The following AKAP6 variants were observed in gnomAD, a reference collection of about 807,000 sequenced individuals.
The protein encoded by AKAP6 is A-kinase anchoring protein 6.
A neutral mutation model predicts 188.5 loss-of-function variants in AKAP6; 58 were observed. The ratio of observed to expected loss-of-function variants is 0.31; its 90% CI spans 0.25 to 0.38. The LOEUF (loss-of-function observed/expected upper bound fraction) is 0.38, where lower values mean the gene tolerates loss of function less well. AKAP6 is among the 10% of genes least tolerant of loss of function. AKAP6 has a pLI of 1.00. For synonymous variants in AKAP6, 989 were observed against 998.6 expected, an observed-to-expected ratio of 0.99 and a Z score of 0.18; for missense variants, 2,710 against 2,740.0, an observed-to-expected ratio of 0.99 and a Z score of 0.24.
intron 1 of AKAP6, among the ~76,000 whole-genome samples, chr14:32,415,160 G>T (rs965121823): frequency 6.6e-6 from 1 of 152,128 alleles, no homozygotes; most frequent in African/African-American, 2.4e-5. Flanking sequence ...GCATTACACT[G>T]GTACATAAGT....
rs182624354 is a variant in AKAP6 at position 32,786,527 on chromosome 14, T to C, written c.3588+12634T>C. 7.8e-4 allele frequency among the ~76,000 whole-genome samples: 118 copies of C among 151,950 alleles called. 2 individuals are homozygous for C. The East Asian group carries it at 0.02, about 26-fold the overall frequency. ...TTTTAGTAGAGATGGGGTTTTACCG[T>C]GTTAGCCAGGATGGTTTCGATCTCC... is the stretch of plus-strand genomic sequence containing the variant. On this transcript the variant is annotated intron_variant, in intron 12 of 13. Transcript: ENST00000280979.
intron 7 of AKAP6, among the ~76,000 whole-genome samples, chr14:32,641,955 C>T (rs1226936596): frequency 6.6e-6 from 1 of 152,054 alleles, no homozygotes; most frequent in Non-Finnish European, 1.5e-5. Context: ...TCGGCAAATA[C>T]ATGAAGATAT....
At chr14:32,722,785 A>T (rs2030616154) in intron 9 of AKAP6, among the ~76,000 whole-genome samples, 1 of 152,060 alleles carries the variant, frequency 6.6e-6, no homozygotes, top group African/African-American at 2.4e-5. Context: ...TCTTCCACAT[A>T]CATCACCTTT....
At chr14:32,721,672 G>C (rs910060448) in intron 9 of AKAP6, among the ~76,000 whole-genome samples, 1 of 152,150 alleles carries the variant, frequency 6.6e-6, no homozygotes, top group Non-Finnish European at 1.5e-5. Flanking sequence ...TTGTGTCTTT[G>C]CTCCATTGTT....
In AKAP6 at chr14:32,545,913, G is replaced by C; in HGVS notation, c.1260G>C (p.Glu420Asp). 6.2e-7 allele frequency: 1 copy of C among 1,614,200 alleles called. No individual in the cohort carries two copies. Among genetic ancestry groups the C allele is most frequent in the Non-Finnish European group, 8.5e-7 (1 of 1,180,028 alleles). The part of the protein sequence containing the change: ...GKRQMVDLKP[E>D]MSRSTPSLVD... ...GGCAAATGGTTGATCTAAAGCCTGA[G>C]ATGAGCAGAAGCACCCCTTCGCTAG... Residue 420 changes from glutamate (E) to aspartate (D), a missense_variant, in exon 4 of 14, where the codon GAG becomes GAC. Around this residue, in one of 2 missense-constraint regions of AKAP6, gnomAD observed 2,473 missense variants for 2,426.1 expected, o/e 1.02. Transcript: ENST00000280979.
chr14:32,540,410 G>A (rs1400362163), intron 3 of AKAP6, among the ~76,000 whole-genome samples: 1 of 151,704 alleles, frequency 6.6e-6, no homozygotes, highest in Admixed American at 6.6e-5. Context: ...TGTTGCCCAG[G>A]TTAGTCTTGA....
At position 32,568,426 on chromosome 14, in the gene AKAP6, T is replaced by C. The variant is rs1473147797; in HGVS notation, c.2347-8694T>C. On this transcript the variant is annotated intron_variant, in intron 4 of 13. Transcript: ENST00000280979. The surrounding 1 kb of genome is among the most constrained non-coding windows in gnomAD (Gnocchi z 6.2). ...AGTTATTAGTAGGATAGATGGTAGA[T>C]GTACCTAAATGTTAAATATTGTTAA... Among the ~76,000 whole-genome samples, 1 of 152,194 alleles carries C rather than the reference T, an allele frequency of 6.6e-6. No homozygotes were observed. The highest frequency in any genetic ancestry group is 2.4e-5 in the African/African-American group (1 of 41,452).
chr14:32,670,346 C>G (rs1356197272), intron 7 of AKAP6, among the ~76,000 whole-genome samples: 1 of 151,950 alleles, frequency 6.6e-6, no homozygotes, highest in African/African-American at 2.4e-5. Flanking sequence ...TTCTAATCAA[C>G]CCTGGAAGTC....
chr14:32,727,348 A>G (rs1213147635), intron 9 of AKAP6, among the ~76,000 whole-genome samples: 2 of 152,142 alleles, frequency 1.3e-5, no homozygotes, highest in Non-Finnish European at 2.9e-5. Flanking sequence ...AAAGGCTTAG[A>G]TATTTGTTAT....
chr14:32,435,151 G>A (rs761891283), intron 2 of AKAP6, among the ~76,000 whole-genome samples: 1 of 152,130 alleles, frequency 6.6e-6, no homozygotes, highest in Non-Finnish European at 1.5e-5. Context: ...GAAATTTGGA[G>A]GCTCTGCTTT....
intron 7 of AKAP6, among the ~76,000 whole-genome samples, chr14:32,657,546 A>G (rs1039388246): frequency 6.6e-6 from 1 of 152,142 alleles, no homozygotes; most frequent in Non-Finnish European, 1.5e-5. Context: ...ATGGTCTTTC[A>G]GATTTCTCTG....
At chr14:32,370,165 A>G (rs973548863) in intron 1 of AKAP6, among the ~76,000 whole-genome samples, 2 of 152,246 alleles carry the variant, frequency 1.3e-5, no homozygotes, top group African/African-American at 2.4e-5. Flanking sequence ...GGACAGGGTC[A>G]AAGTTCTGAA....
At chr14:32,443,058 C>A (rs554068339) in intron 2 of AKAP6, among the ~76,000 whole-genome samples, 1 of 152,038 alleles carries the variant, frequency 6.6e-6, no homozygotes, top group African/African-American at 2.4e-5. Flanking sequence ...GACCATGGTT[C>A]TCACCCTTGG....
chr14:32,490,503 C>T (rs1222945110), intron 2 of AKAP6, among the ~76,000 whole-genome samples: 1 of 152,132 alleles, frequency 6.6e-6, no homozygotes. Context: ...TAGCCAAATT[C>T]ATCTTACGAG....
chr14:32,511,081 A>C (rs1379541639), intron 2 of AKAP6, among the ~76,000 whole-genome samples: 1 of 152,202 alleles, frequency 6.6e-6, no homozygotes, highest in African/African-American at 2.4e-5. Context: ...GTGTAAGTGA[A>C]TGGACAAGCA....
intron 12 of AKAP6, among the ~76,000 whole-genome samples, chr14:32,794,759 G>C (rs538084010): frequency 6.6e-6 from 1 of 151,934 alleles, no homozygotes; most frequent in African/African-American, 2.4e-5. Context: ...CAAGCAAACC[G>C]CAAAGCTAGC....
chr14:32,477,658 A>G (rs1025254504), intron 2 of AKAP6, among the ~76,000 whole-genome samples: 1 of 152,238 alleles, frequency 6.6e-6, no homozygotes, highest in Non-Finnish European at 1.5e-5. Flanking sequence ...TGGCATATTT[A>G]TTACTTTGGT....
chr14:32,507,604 A>G (rs927041814), intron 2 of AKAP6, among the ~76,000 whole-genome samples: 1 of 149,104 alleles, frequency 6.7e-6, no homozygotes, highest in African/African-American at 2.5e-5. Flanking sequence ...AAGGTATTTC[A>G]CTCAGCTGTG....
chr14:32,542,623 G>A (rs1183198082), intron 3 of AKAP6, among the ~76,000 whole-genome samples: 5 of 152,172 alleles, frequency 3.3e-5, no homozygotes, highest in Admixed American at 1.3e-4. Flanking sequence ...AGGGGTATAG[G>A]TTGGAAGCTT....
Sources: allele counts gnomAD v4.1 joint callset (sites outside exome capture counted in the v4.1 genomes callset), GRCh38; gene constraint gnomAD v4.1.1; regional missense constraint gnomAD v4.1.1; non-coding constraint Gnocchi (gnomAD v3.1); transcripts MANE v1.5; gene names NCBI Gene and HGNC (gene_info 2026-07-23, HGNC 2026-07-21).